The following PPP6R2 variants were observed in gnomAD, a reference collection of about 807,000 sequenced individuals.
PPP6R2 encodes serine/threonine-protein phosphatase 6 regulatory subunit 2.
Under a neutral mutation model 100.2 loss-of-function variants are expected in PPP6R2, and 62 were observed. That is an observed-to-expected ratio of 0.62 (90% confidence interval 0.50 to 0.76). PPP6R2 has a LOEUF of 0.76. Ranked by LOEUF, PPP6R2 falls within the 30% of genes least tolerant of loss-of-function variation. The probability of loss-of-function intolerance (pLI) is 0.00; values close to 1 mark genes in which losing one functional copy is unlikely to be tolerated. For missense variants in PPP6R2, 1,142 were observed against 1,276.3 expected, an observed-to-expected ratio of 0.89 and a Z score of 1.60; for synonymous variants, 525 against 514.7, an observed-to-expected ratio of 1.02 and a Z score of -0.27.
At chr22:50,337,559 GGTCTGTGT>G in the PPP6R2 span, among the ~76,000 whole-genome samples, 1 of 137,106 alleles carries the variant, frequency 7.3e-6, no homozygotes, top group South Asian at 2.4e-4. Flanking sequence ...GTGTGTGTGG[GGTCTGTGT>G]GTCTGTGTAG....
chr22:50,363,875 C>T (rs567985367), intron 1 of PPP6R2, among the ~76,000 whole-genome samples: 66 of 151,108 alleles, frequency 4.4e-4, no homozygotes, highest in Admixed American at 1.1e-3. Context: ...AAGGGAGTTG[C>T]TGTAACAGAT....
At chr22:50,368,145 G>A (rs1025898818) in intron 1 of PPP6R2, among the ~76,000 whole-genome samples, 45 of 152,354 alleles carry the variant, frequency 3.0e-4, no homozygotes, top group African/African-American at 9.6e-4. Flanking sequence ...TGTACAGGGC[G>A]AAACATGAAA....
the PPP6R2 span, among the ~76,000 whole-genome samples, chr22:50,332,449 C>T: frequency 1.3e-5 from 2 of 151,448 alleles, no homozygotes; most frequent in African/African-American, 4.9e-5. Flanking sequence ...CCAGGATGGT[C>T]TTGATCTCCT....
intron 12 of PPP6R2, 39 bp from the exon 13 acceptor site, chr22:50,434,927 G>T (rs200019364): frequency 1.3e-6 from 2 of 1,569,872 alleles, no homozygotes; most frequent in East Asian, 4.5e-5. Context: ...GGCAAGGTCG[G>T]GGCCAGGAGG....
chr22:50,440,708 C>T, intron 21 of PPP6R2, 114 bp from the exon 22 acceptor site: 3 of 1,210,330 alleles, frequency 2.5e-6, no homozygotes, highest in South Asian at 1.3e-5. Context: ...CACATGTGTG[C>T]AGGCAACAGG....
intron 15 of PPP6R2, among the ~76,000 whole-genome samples, chr22:50,437,301 C>T (rs1478531645): frequency 2.6e-5 from 4 of 152,220 alleles, no homozygotes; most frequent in Non-Finnish European, 5.9e-5. Context: ...GAATATGGGG[C>T]GTATCTCAGA....
At chr22:50,377,371 C>G (rs981480420) in intron 2 of PPP6R2, among the ~76,000 whole-genome samples, 1 of 152,122 alleles carries the variant, frequency 6.6e-6, no homozygotes, top group African/African-American at 2.4e-5. Context: ...GGGAAGATCA[C>G]TCGAGCCCAG....
intron 2 of PPP6R2, among the ~76,000 whole-genome samples, chr22:50,384,324 G>A (rs1208949949): frequency 6.6e-6 from 1 of 152,184 alleles, no homozygotes; most frequent in Non-Finnish European, 1.5e-5. Flanking sequence ...GGGAGGCTGA[G>A]GTGGGCAGAT....
intron 1 of PPP6R2, among the ~76,000 whole-genome samples, chr22:50,370,713 AACCTCT>A (rs2049992342): frequency 6.6e-6 from 1 of 151,416 alleles, no homozygotes; most frequent in African/African-American, 2.4e-5. Flanking sequence ...GGCTCACTGC[AACCTCT>A]GCCTCCCGGG....
chr22:50,395,612 G>A (rs556887074), intron 3 of PPP6R2, among the ~76,000 whole-genome samples: 57 of 152,312 alleles, frequency 3.7e-4, no homozygotes, highest in African/African-American at 1.3e-3. Flanking sequence ...CCAGGCTGGG[G>A]TGCAGTGGCA....
the PPP6R2 span, among the ~76,000 whole-genome samples, chr22:50,337,903 TG>T: frequency 7.7e-6 from 1 of 130,190 alleles, no homozygotes. Flanking sequence ...GTGTGGTCTG[TG>T]TGGTGTAGTG....
At chr22:50,355,796 C>T (rs907804090) in intron 1 of PPP6R2, among the ~76,000 whole-genome samples, 29 of 150,052 alleles carry the variant, frequency 1.9e-4, no homozygotes, top group African/African-American at 7.1e-4. Context: ...GCTGGGATTA[C>T]AGGGGTGAGC....
chr22:50,424,169 A>G (rs1293679511), intron 10 of PPP6R2, among the ~76,000 whole-genome samples: 2 of 152,170 alleles, frequency 1.3e-5, no homozygotes, highest in Non-Finnish European at 2.9e-5. Flanking sequence ...TGCGGAGAGC[A>G]TGAGGCTGCT....
At chr22:50,353,697 C>T (rs1359826054) in intron 1 of PPP6R2, among the ~76,000 whole-genome samples, 1 of 151,866 alleles carries the variant, frequency 6.6e-6, no homozygotes, top group Non-Finnish European at 1.5e-5. Flanking sequence ...AAGGGAAGCA[C>T]GTTAGACAAA....
intron 18 of PPP6R2, 94 bp from the exon 19 acceptor site, chr22:50,438,505 C>T: frequency 6.7e-7 from 1 of 1,495,326 alleles, no homozygotes; most frequent in East Asian, 2.3e-5. Flanking sequence ...ACGATCTGTG[C>T]TCACCCTCAG....
intron 3 of PPP6R2, among the ~76,000 whole-genome samples, chr22:50,400,658 A>G (rs1236912817): frequency 6.6e-6 from 1 of 152,246 alleles, no homozygotes; most frequent in Non-Finnish European, 1.5e-5. Context: ...AGAGTTTCAT[A>G]GTCAGAGCTT....
chr22:50,354,238 G>A (rs2148157138), intron 1 of PPP6R2, among the ~76,000 whole-genome samples: 1 of 152,176 alleles, frequency 6.6e-6, no homozygotes, highest in Non-Finnish European at 1.5e-5. Flanking sequence ...CCAGAAGGTG[G>A]AGATTGTAGT....
At chr22:50,438,083 C>T (rs977889079) in intron 17 of PPP6R2, 91 bp from the exon 18 acceptor site, 43 of 1,533,894 alleles carry the variant, frequency 2.8e-5, no homozygotes, top group Admixed American at 8.0e-5. Context: ...TCCCACATCC[C>T]GAACTAAGCC....
chr22:50,339,307 G>A (rs547795306), upstream of PPP6R2, among the ~76,000 whole-genome samples: 1 of 123,744 alleles, frequency 8.1e-6, no homozygotes, highest in Admixed American at 7.8e-5. Context: ...TATGTGGTGT[G>A]TGTTGTGGGT....
Sources: allele counts gnomAD v4.1 joint callset (sites outside exome capture counted in the v4.1 genomes callset), GRCh38; gene constraint gnomAD v4.1.1; transcripts MANE v1.5; gene names NCBI Gene and HGNC (gene_info 2026-07-23, HGNC 2026-07-21).